Variants in DPH3 observed in about 807,000 individuals in gnomAD.
DPH3 encodes diphthamide biosynthesis 3, also known as diphthamide biosynthesis protein 3.
Under a neutral mutation model 10.2 loss-of-function variants are expected in DPH3, and 8 were observed. The observed-to-expected ratio is 0.79, with a 90% CI of 0.46 to 1.42. The LOEUF (loss-of-function observed/expected upper bound fraction) is 1.42. Ranked by LOEUF, DPH3 falls within the 40% of genes most tolerant of loss-of-function variation. DPH3 has a pLI of 0.00. For synonymous variants in DPH3, 35 were observed against 35.6 expected, an observed-to-expected ratio of 0.98 and a Z score of 0.06; for missense variants, 96 against 98.9, an observed-to-expected ratio of 0.97 and a Z score of 0.12.
rs747132762 is a variant in DPH3 at position 16,264,866 on chromosome 3, A to G, written c.11T>C (p.Phe4Ser). The G allele has an allele frequency of 9.3e-6, 15 of 1,614,226 alleles. No individual in the cohort carries two copies. In the South Asian group the frequency reaches 1.5e-4, roughly 17 times the overall value. The change falls in exon 1 of 3, where the codon TTT (phenylalanine) becomes TCT (serine). Residue 4 changes from phenylalanine (F) to serine (S), a missense_variant. Coordinates refer to ENST00000488423, the MANE Select transcript of DPH3 (RefSeq NM_206831.3). Reference protein sequence around the residue: MAVFHDEVEIEDFQ... With the variant: MAVSHDEVEIEDFQ... Reference sequence around the variant, plus strand: ...GTCCTCGATTTCCACCTCGTCATGAAACACTGCCATGGTCAGCGGGGGTGG... The same window carrying G: ...GTCCTCGATTTCCACCTCGTCATGAGACACTGCCATGGTCAGCGGGGGTGG...
At chr3:16,264,427 G>A (rs2064355067) in intron 1 of DPH3, 198 bp from the exon 2 acceptor site, 1 of 553,486 alleles carries the variant, frequency 1.8e-6, no homozygotes, top group Non-Finnish European at 3.2e-6. Flanking sequence ...CACCTAGGAA[G>A]GTCAGGCGAG....
chr3:16,260,805 C>T lies in DPH3; in HGVS notation c.208G>A (p.Val70Ile). The T allele has an allele frequency of 1.2e-6, 2 of 1,613,876 alleles. No individual in the cohort carries two copies. Residue 70 changes from valine to isoleucine, a missense_variant, in exon 3 of 3, where the codon GTC becomes ATC. Val to Ile is a conservative substitution (Grantham distance 29). Coordinates refer to ENST00000488423, the MANE Select transcript of DPH3 (RefSeq NM_206831.3). ...DKDQFVCGET[V>I]PAPSANKELV... Reference sequence around the variant, plus strand: ...TCTTTGTTGGCTGAAGGGGCTGGGACTGTTTCTCCACACACAAACTGATCC... The same window carrying T: ...TCTTTGTTGGCTGAAGGGGCTGGGATTGTTTCTCCACACACAAACTGATCC...
At position 16,257,769 on chromosome 3, in the gene DPH3, C is replaced by A. The variant is rs189129906; in HGVS notation, c.*2995G>T. Among the ~76,000 whole-genome samples, 1 of 152,328 alleles carries A rather than the reference C, an allele frequency of 6.6e-6. No individual in the cohort carries two copies. Among genetic ancestry groups the A allele is most frequent in the East Asian group, 1.9e-4 (1 of 5,190 alleles). ...TAAGAATGTCAACTTTGTCTTACTA[C>A]CACTTGACTCAGTTATTTTTTTCCC... On this transcript the variant is annotated 3_prime_UTR_variant, in exon 3 of 3. Transcript: ENST00000488423.
chr3:16,264,930 G>T lies in DPH3; in HGVS notation c.-54C>A, dbSNP rs1313357226. 6.3e-6 allele frequency: 10 copies of T among 1,597,232 alleles called. No individual in the cohort carries two copies. The highest frequency in any genetic ancestry group is 7.7e-6 in the Non-Finnish European group (9 of 1,167,534). Reference sequence around the variant, plus strand: ...GCCCCAGCAGTCCGAGGCCAGCTCCGAGGGTTTAACTTCGCCGGAACCGGC... The same window carrying T: ...GCCCCAGCAGTCCGAGGCCAGCTCCTAGGGTTTAACTTCGCCGGAACCGGC... On this transcript the variant is annotated 5_prime_UTR_variant, in exon 1 of 3. Transcript: ENST00000488423.
rs1430503013 is a variant in DPH3, at chr3:16,257,254, A to G, written c.*3510T>C. On this transcript the variant is annotated 3_prime_UTR_variant, in exon 3 of 3. Coordinates refer to ENST00000488423, the MANE Select transcript of DPH3 (RefSeq NM_206831.3). The stretch of plus-strand genomic sequence containing the variant: ...GATACTAGCTCATTTAATCATTTTC[A>G]CAAGGCTGTTTCCTTCTCATCCTTC... 6.6e-6 allele frequency among the ~76,000 whole-genome samples: 1 copy of G among 152,188 alleles called. No homozygotes were observed. Among genetic ancestry groups the G allele is most frequent in the Non-Finnish European group, 1.5e-5 (1 of 68,040 alleles).
In DPH3 at chr3:16,261,846, C is replaced by A. The variant is rs1461213033; in HGVS notation, c.184-1017G>T. Among the ~76,000 whole-genome samples, 1 of 152,146 alleles carries A rather than the reference C, an allele frequency of 6.6e-6. No individual in the cohort carries two copies. The highest frequency in any genetic ancestry group is 2.4e-5 in the African/African-American group (1 of 41,418). On this transcript the variant is annotated intron_variant, in intron 2 of 2. Transcript: ENST00000488423. This position sits in a 1 kb window ranked among gnomAD's most constrained non-coding sequence, Gnocchi z 7.1. The stretch of plus-strand genomic sequence containing the variant: ...TTCTCCTTTCCTGTCTAAAACCCAT[C>A]AGTTTAGAATCTTATGTCTTGAGAC...
chr3:16,264,663 G>C (rs1032828083), intron 1 of DPH3, 106 bp downstream of exon 1: 1 of 1,088,230 alleles, frequency 9.2e-7, no homozygotes, highest in African/African-American at 1.6e-5. Context: ...ACGGGAAAGA[G>C]GGCGTGGGTG....
At chr3:16,264,557 C>G (rs191442689) in intron 1 of DPH3, 7 of 601,962 alleles carry the variant, frequency 1.2e-5, no homozygotes, top group Non-Finnish European at 1.8e-5. Context: ...CCGCCACCCT[C>G]TCCCTGACCT....
chr3:16,263,853 T>C lies in DPH3; in HGVS notation c.183+302A>G, dbSNP rs919830912. On this transcript the variant is annotated intron_variant, in intron 2 of 2. Coordinates refer to ENST00000488423, the MANE Select transcript of DPH3 (RefSeq NM_206831.3). This position sits in a 1 kb window ranked among gnomAD's most constrained non-coding sequence, Gnocchi z 4.0. ...TAAACAATTTTAATTACATATTAAA[T>C]AGAAGAGAAATATAAAAAATTGTCC... Among the ~76,000 whole-genome samples, 3 of 152,204 alleles carry C rather than the reference T, an allele frequency of 2.0e-5. No individual in the cohort carries two copies. Among genetic ancestry groups the C allele is most frequent in the Admixed American group, 1.3e-4 (2 of 15,278 alleles).
At position 16,263,047 on chromosome 3, in the gene DPH3, C is replaced by A. The variant is rs915454180; in HGVS notation, c.183+1108G>T. 6.6e-6 allele frequency among the ~76,000 whole-genome samples: 1 copy of A among 152,148 alleles called. No individual in the cohort carries two copies. The highest frequency in any genetic ancestry group is 2.1e-4 in the South Asian group (1 of 4,828). ...CTACTCTGAACACAGCAGCCAGAATCATTTTTTAAAAAACTTAAGTTGGAT... is the reference window on the plus strand; with the variant it reads ...CTACTCTGAACACAGCAGCCAGAATAATTTTTTAAAAAACTTAAGTTGGAT... On this transcript the variant is annotated intron_variant, in intron 2 of 2. Coordinates refer to ENST00000488423, the MANE Select transcript of DPH3 (RefSeq NM_206831.3). The surrounding 1 kb of genome is among the most constrained non-coding windows in gnomAD (Gnocchi z 4.0).
At chr3:16,264,433 G>A (rs762815696) in intron 1 of DPH3, 55 of 549,412 alleles carry the variant, frequency 1.0e-4, no homozygotes, top group Non-Finnish European at 1.5e-4. Context: ...GGAAGGTCAG[G>A]CGAGCTTCGG....
intron 1 of DPH3, 36 bp from the exon 2 acceptor site, chr3:16,264,265 C>T (rs2064349116): frequency 2.0e-6 from 3 of 1,538,286 alleles, no homozygotes; most frequent in Non-Finnish European, 2.7e-6. Flanking sequence ...GTCAGGATAG[C>T]TTCTCTTCGC....
rs1424782960 is a variant in DPH3, at chr3:16,261,070, A to G, written c.184-241T>C. 6.6e-6 allele frequency among the ~76,000 whole-genome samples: 1 copy of G among 152,218 alleles called. No homozygotes were observed. Among genetic ancestry groups the G allele is most frequent in the Non-Finnish European group, 1.5e-5 (1 of 68,036 alleles). On this transcript the variant is annotated intron_variant, in intron 2 of 2. Transcript: ENST00000488423. The surrounding 1 kb of genome is among the most constrained non-coding windows in gnomAD (Gnocchi z 7.1). ...AAGCACCTTATAAACAAACATCCCTATCTTCAGTTCAGAGCAACCACTTCT... is the reference window on the plus strand; with the variant it reads ...AAGCACCTTATAAACAAACATCCCTGTCTTCAGTTCAGAGCAACCACTTCT...
intron 1 of DPH3, 93 bp downstream of exon 1, chr3:16,264,676 A>G: frequency 1.6e-6 from 2 of 1,241,920 alleles, no homozygotes; most frequent in Non-Finnish European, 2.3e-6. Flanking sequence ...CGTGGGTGAC[A>G]CAGCGCAGCA....
rs915269838 is a variant in DPH3 at position 16,259,654 on chromosome 3, G to T, written c.*1110C>A. On this transcript the variant is annotated 3_prime_UTR_variant, in exon 3 of 3. Coordinates refer to ENST00000488423, the MANE Select transcript of DPH3 (RefSeq NM_206831.3). Reference sequence around the variant, plus strand: ...ATCTTTATATATTTCTTTTTCTCCAGGGCAACATTTCTCTGCAGGAGTGAA... The same window carrying T: ...ATCTTTATATATTTCTTTTTCTCCATGGCAACATTTCTCTGCAGGAGTGAA... The T allele has an allele frequency of 5.3e-5, 8 of 152,096 alleles. No homozygotes were observed. Among genetic ancestry groups the T allele is most frequent in the African/African-American group, 1.7e-4 (7 of 41,420 alleles). The allele number at this position is 152,096 out of a possible 1,614,324, so 9.4% of individuals were successfully genotyped here. A position where few individuals can be genotyped will look rare whatever the true frequency, so the allele number is the denominator to read the frequency against.
intron 1 of DPH3, 42 bp from the exon 2 acceptor site, chr3:16,264,271 T>G: frequency 2.0e-6 from 3 of 1,511,596 alleles, no homozygotes; most frequent in African/African-American, 2.8e-5. Context: ...ATAGCTTCTC[T>G]TCGCCATCTC....
rs2064277429 is a variant in DPH3, at chr3:16,259,440, C to G, written c.*1324G>C. 1 of 152,228 alleles carries G rather than the reference C, an allele frequency of 6.6e-6. No individual in the cohort carries two copies. Among genetic ancestry groups the G allele is most frequent in the Admixed American group, 6.5e-5 (1 of 15,278 alleles). 9.4% of individuals were successfully genotyped at this position (152,228 alleles called of 1,614,324 possible). On this transcript the variant is annotated 3_prime_UTR_variant, in exon 3 of 3. Coordinates refer to ENST00000488423, the MANE Select transcript of DPH3 (RefSeq NM_206831.3). ...TTACCAGTAACAGAACATTTACATT[C>G]TAGCAAGCTATTTTTCTAATTGCAG... is the stretch of plus-strand genomic sequence containing the variant.
rs778971592 is a variant in DPH3 at position 16,264,254 on chromosome 3, G to A, written c.109-25C>T. ...CCTACAACGAAATCAAATACCATGT[G>A]GTCAGGATAGCTTCTCTTCGCCATC... On this transcript the variant is annotated intron_variant, in intron 1 of 2. Coordinates refer to ENST00000488423, the MANE Select transcript of DPH3 (RefSeq NM_206831.3). The A allele has an allele frequency of 3.2e-6, 5 of 1,578,758 alleles. No homozygotes were observed. The African/African-American group carries it at 5.4e-5, about 17-fold the overall frequency.
In DPH3 at chr3:16,257,494, T is replaced by C. The variant is rs2064259270; in HGVS notation, c.*3270A>G. 6.6e-6 allele frequency among the ~76,000 whole-genome samples: 1 copy of C among 152,252 alleles called. No individual in the cohort carries two copies. The highest frequency in any genetic ancestry group is 1.5e-5 in the Non-Finnish European group (1 of 68,036). ...GACAGGTACTTCTTTGCCTAGTGCA[T>C]AGCACATGACAGCTATTTTTCTAAT... On this transcript the variant is annotated 3_prime_UTR_variant, in exon 3 of 3. Coordinates refer to ENST00000488423, the MANE Select transcript of DPH3 (RefSeq NM_206831.3).
Sources: allele counts gnomAD v4.1 joint callset (sites outside exome capture counted in the v4.1 genomes callset), GRCh38; gene constraint gnomAD v4.1.1; non-coding constraint Gnocchi (gnomAD v3.1); transcripts MANE v1.5; gene names NCBI Gene and HGNC (gene_info 2026-07-23, HGNC 2026-07-21).